Variants in USH2A observed in about 807,000 individuals in gnomAD.
The protein encoded by USH2A is Usher syndrome 2A (autosomal recessive, mild).
In USH2A, 443 loss-of-function variants were observed where a neutral mutation model predicts 538.9. The observed-to-expected ratio is 0.82, with a 90% CI of 0.76 to 0.89. The LOEUF (loss-of-function observed/expected upper bound fraction) is 0.89. Among genes scored for constraint, USH2A ranks in the 40% least tolerant of loss-of-function variants. The pLI is 0.00. For synonymous variants in USH2A, 2,413 were observed against 2,273.5 expected (o/e 1.06, Z -1.75); for missense variants, 6,633 against 6,324.8 (o/e 1.05, Z -1.65).
rs781153879 is a variant in USH2A, at chr1:216,324,276, A to G, written c.1220T>C (p.Leu407Ser). The change falls in exon 7 of 72, where the codon TTA becomes TCA. Residue 407 changes from leucine to serine, a missense_variant. Transcript: ENST00000307340. ...IRIQRKKENS[L>S]DWEDWQYFAR... Reference sequence around the variant, plus strand: ...AAAATATTGCCAGTCCTCCCAATCTAAACTATTTTCCTTCTTCCTTTGAAT... The same window carrying G: ...AAAATATTGCCAGTCCTCCCAATCTGAACTATTTTCCTTCTTCCTTTGAAT... 2 of 1,613,294 alleles carry G rather than the reference A, an allele frequency of 1.2e-6. No individual in the cohort carries two copies. The highest frequency in any genetic ancestry group is 1.1e-5 in the South Asian group (1 of 91,054).
At chr1:216,366,965 T>G (rs895315521) in intron 3 of USH2A, among the ~76,000 whole-genome samples, 3 of 152,154 alleles carry the variant, frequency 2.0e-5, no homozygotes, top group Non-Finnish European at 4.4e-5. Flanking sequence ...TGTAGCATTA[T>G]CTCATGTTTT....
At chr1:216,309,643 T>G (rs913394657) in intron 9 of USH2A, among the ~76,000 whole-genome samples, 1 of 152,128 alleles carries the variant, frequency 6.6e-6, no homozygotes, top group African/African-American at 2.4e-5. Flanking sequence ...TAGGAAAGAT[T>G]CTGGTTTCTT....
chr1:216,095,411 T>C (rs182316288), intron 22 of USH2A, among the ~76,000 whole-genome samples: 6 of 152,312 alleles, frequency 3.9e-5, no homozygotes, highest in Non-Finnish European at 8.8e-5. Context: ...TTGAATCAAC[T>C]TCAGCTGATT....
intron 38 of USH2A, among the ~76,000 whole-genome samples, chr1:215,920,155 A>G (rs187451385): frequency 6.6e-6 from 1 of 152,216 alleles, no homozygotes; most frequent in Non-Finnish European, 1.5e-5. Flanking sequence ...GTGTTTCTCA[A>G]AGACCTTTGT....
intron 69 of USH2A, among the ~76,000 whole-genome samples, chr1:215,638,579 A>G (rs947841539): frequency 6.8e-6 from 1 of 146,422 alleles, no homozygotes; most frequent in Non-Finnish European, 1.5e-5. Flanking sequence ...AGATTGCACC[A>G]CTGCACTCCA....
intron 66 of USH2A, 58 bp downstream of exon 66, chr1:215,648,470 T>G: frequency 1.3e-6 from 2 of 1,565,432 alleles, no homozygotes; most frequent in East Asian, 4.5e-5. Flanking sequence ...ATACCATGAG[T>G]TCATATGTCT....
chr1:215,639,006 A>C, intron 69 of USH2A, 149 bp downstream of exon 69: 2 of 843,400 alleles, frequency 2.4e-6, no homozygotes, highest in East Asian at 2.5e-5. Context: ...AAAAAAAACA[A>C]AAAAAAAAAC....
rs563947552 is a variant in USH2A at position 216,010,871 on chromosome 1, G to C, written c.6326-10309C>G. 1.5e-4 allele frequency among the ~76,000 whole-genome samples: 23 copies of C among 151,536 alleles called. 1 individual carries two copies. The South Asian group carries it at 4.6e-3, about 30-fold the overall frequency. On this transcript the variant is annotated intron_variant, in intron 32 of 71. Transcript: ENST00000307340. Reference sequence around the variant, plus strand: ...AAAGCCTCCTTTGCGTCCTCCTCTTGTATCCCCCGACCTTAACCCACAAGT... The same window carrying C: ...AAAGCCTCCTTTGCGTCCTCCTCTTCTATCCCCCGACCTTAACCCACAAGT...
chr1:215,863,561 T>C (rs561644758), intron 44 of USH2A, among the ~76,000 whole-genome samples: 1 of 152,296 alleles, frequency 6.6e-6, no homozygotes, highest in Non-Finnish European at 1.5e-5. Flanking sequence ...GATACCCTCA[T>C]ACTTTATGCA....
rs566632682 is a variant in USH2A at position 215,834,706 on chromosome 1, G to T, written c.9371+3285C>A. On this transcript the variant is annotated intron_variant, in intron 47 of 71. Coordinates refer to ENST00000307340, the MANE Select transcript of USH2A (RefSeq NM_206933.4). ...TATGTAATCACTTTTTAGTCATATT[G>T]TTGGTATCCAGGGAATCTTTTGATC... 5.3e-5 allele frequency among the ~76,000 whole-genome samples: 8 copies of T among 150,706 alleles called. No individual in the cohort carries two copies. The East Asian group carries it at 1.6e-3, about 29-fold the overall frequency.
intron 32 of USH2A, among the ~76,000 whole-genome samples, chr1:216,019,462 G>A (rs1333992125): frequency 6.6e-6 from 1 of 152,172 alleles, no homozygotes; most frequent in Admixed American, 6.6e-5. Flanking sequence ...AGTTAGAAGA[G>A]CTTTGTTTAG....
At chr1:215,816,662 A>T (rs1319978377) in intron 48 of USH2A, among the ~76,000 whole-genome samples, 1 of 152,028 alleles carries the variant, frequency 6.6e-6, no homozygotes, top group Non-Finnish European at 1.5e-5. Flanking sequence ...TGTCCTCCTC[A>T]CAGTTACTCA....
chr1:215,941,658 C>A (rs1171279098), intron 37 of USH2A, among the ~76,000 whole-genome samples: 1 of 152,118 alleles, frequency 6.6e-6, no homozygotes, highest in African/African-American at 2.4e-5. Context: ...CATGCTGAAC[C>A]TGCTGAGCCT....
chr1:216,153,053 G>T (rs538504238), intron 21 of USH2A, among the ~76,000 whole-genome samples: 15 of 152,090 alleles, frequency 9.9e-5, no homozygotes, highest in African/African-American at 3.6e-4. Flanking sequence ...CAAACTCCAG[G>T]GGAAGATCAT....
chr1:216,002,828 A>G (rs901993510), intron 32 of USH2A, among the ~76,000 whole-genome samples: 1 of 152,180 alleles, frequency 6.6e-6, no homozygotes. Context: ...TCCATGGTAC[A>G]GACTTGCATA....
At chr1:215,705,198 T>C (rs2102693277) in intron 61 of USH2A, among the ~76,000 whole-genome samples, 1 of 152,358 alleles carries the variant, frequency 6.6e-6, no homozygotes, top group East Asian at 1.9e-4. Context: ...AACACAGTGA[T>C]TCCTTTATCA....
intron 3 of USH2A, among the ~76,000 whole-genome samples, chr1:216,416,544 T>A (rs1252657013): frequency 6.6e-6 from 1 of 152,172 alleles, no homozygotes; most frequent in Non-Finnish European, 1.5e-5. Context: ...CATTAAATCA[T>A]AAGTACTTTA....
intron 61 of USH2A, among the ~76,000 whole-genome samples, chr1:215,714,284 A>C (rs1659421739): frequency 6.6e-6 from 1 of 152,198 alleles, no homozygotes; most frequent in African/African-American, 2.4e-5. Context: ...GAGGAATAGA[A>C]AGTGTGTGTG....
intron 69 of USH2A, among the ~76,000 whole-genome samples, chr1:215,635,795 C>T (rs1235783820): frequency 1.3e-5 from 2 of 152,094 alleles, no homozygotes; most frequent in Non-Finnish European, 2.9e-5. Flanking sequence ...ACCTCATGAT[C>T]CGCCTGCCTC....
Sources: allele counts gnomAD v4.1 joint callset (sites outside exome capture counted in the v4.1 genomes callset), GRCh38; gene constraint gnomAD v4.1.1; transcripts MANE v1.5; gene names NCBI Gene and HGNC (gene_info 2026-07-23, HGNC 2026-07-21).